Variants in EIF3H observed in about 807,000 individuals in gnomAD.
EIF3H encodes the protein eIF-3-gamma.
A neutral mutation model predicts 44.2 loss-of-function variants in EIF3H; 26 were observed. The ratio of observed to expected loss-of-function variants is 0.59; its 90% confidence interval spans 0.43 to 0.82. The LOEUF (loss-of-function observed/expected upper bound fraction) is 0.82. Among genes scored for constraint, EIF3H ranks in the 40% least tolerant of loss-of-function variants. The pLI, the probability that EIF3H is intolerant of heterozygous loss-of-function variation, is 0.00. For missense variants in EIF3H, 359 were observed against 432.8 expected (o/e 0.83, Z 1.51); for synonymous variants, 166 against 151.9 (o/e 1.09, Z -0.68).
chr8:116,722,061 G>A (rs976208316), intron 2 of EIF3H, among the ~76,000 whole-genome samples: 1 of 152,158 alleles, frequency 6.6e-6, no homozygotes. Context: ...ATATGGTTTG[G>A]CTGTGTTGCC....
chr8:116,647,891 T>G (rs919440381), intron 6 of EIF3H, among the ~76,000 whole-genome samples: 4 of 152,112 alleles, frequency 2.6e-5, no homozygotes, highest in Non-Finnish European at 5.9e-5. Context: ...CCCCTCAGTT[T>G]ATCAGACATT....
In EIF3H at chr8:116,698,723, ATC is replaced by A. The variant is rs1315409620; in HGVS notation, c.289+27291_289+27292del. ...ATTTCAAAACCTCTTGCCACTACCAATCTCTTTCTGCAACTTAATGTTGCCAA... is the reference window on the plus strand; with the variant it reads ...ATTTCAAAACCTCTTGCCACTACCAATCTTTCTGCAACTTAATGTTGCCAA... On this transcript the variant is annotated intron_variant, in intron 2 of 7. Transcript: ENST00000521861. Among the ~76,000 whole-genome samples the A allele has an allele frequency of 2.0e-5, 3 of 152,240 alleles. No individual in the cohort carries two copies. The East Asian group carries it at 5.8e-4, about 29-fold the overall frequency.
At chr8:116,754,122 T>C (rs372452959) in intron 1 of EIF3H, among the ~76,000 whole-genome samples, 129 of 148,648 alleles carry the variant, frequency 8.7e-4, no homozygotes, top group African/African-American at 2.9e-3. Context: ...TCCATTTTCT[T>C]TTTTTTTTTT....
intron 2 of EIF3H, among the ~76,000 whole-genome samples, chr8:116,674,124 A>G (rs1236732583): frequency 1.4e-5 from 2 of 147,688 alleles, no homozygotes; most frequent in Admixed American, 6.8e-5. Flanking sequence ...GAAATTTTAA[A>G]TTTATTATTT....
intron 2 of EIF3H, among the ~76,000 whole-genome samples, chr8:116,669,396 A>G (rs1168061107): frequency 1.3e-5 from 2 of 152,226 alleles, no homozygotes; most frequent in Non-Finnish European, 2.9e-5. Flanking sequence ...CCCTATCCCC[A>G]ACAGGTGACT....
chr8:116,656,523 T>C (rs1027513269), intron 4 of EIF3H, among the ~76,000 whole-genome samples: 35 of 152,170 alleles, frequency 2.3e-4, no homozygotes, highest in Non-Finnish European at 4.3e-4. Context: ...CATCCAGGAA[T>C]TGTTCATGAG....
chr8:116,732,175 C>G (rs892897947), intron 1 of EIF3H, among the ~76,000 whole-genome samples: 13 of 151,938 alleles, frequency 8.6e-5, no homozygotes, highest in African/African-American at 2.9e-4. Flanking sequence ...GCAGACTATA[C>G]GCCATCTCTA....
chr8:116,655,999 T>C lies in EIF3H; in HGVS notation c.564A>G (p.Lys188=), dbSNP rs753526576. 1.9e-6 allele frequency: 3 copies of C among 1,613,316 alleles called. No individual in the cohort carries two copies. The highest frequency in any genetic ancestry group is 1.7e-6 in the Non-Finnish European group (2 of 1,179,562). The change falls in exon 5 of 8, where the codon AAA becomes AAG. Residue 188 remains lysine (K), a synonymous_variant. Coordinates refer to ENST00000521861, the MANE Select transcript of EIF3H (RefSeq NM_003756.3). ...KEKDFSPEAL[K]KANITFEYMF... ...TGTACTCAAAGGTGATATTTGCTTT[T>C]TTCAATCTGTGAAGCATGTTAAAAA...
chr8:116,715,735 T>C (rs1291882643), intron 2 of EIF3H, among the ~76,000 whole-genome samples: 3 of 152,136 alleles, frequency 2.0e-5, no homozygotes, highest in Non-Finnish European at 2.9e-5. Context: ...ATTTAAGGAA[T>C]TCAGTTGTAT....
chr8:116,672,349 G>A (rs1380300965), intron 2 of EIF3H, among the ~76,000 whole-genome samples: 2 of 152,228 alleles, frequency 1.3e-5, no homozygotes, highest in Non-Finnish European at 2.9e-5. Flanking sequence ...AAACAGGCCA[G>A]GTACAGTGGC....
chr8:116,658,666 C>T, intron 3 of EIF3H, 147 bp downstream of exon 3: 1 of 693,472 alleles, frequency 1.4e-6, no homozygotes, highest in Non-Finnish European at 2.3e-6. Flanking sequence ...CCTGTCTAGA[C>T]TGAGCTGCTG....
chr8:116,725,197 C>T (rs13266454), intron 2 of EIF3H, among the ~76,000 whole-genome samples: 1 of 152,132 alleles, frequency 6.6e-6, no homozygotes, highest in Non-Finnish European at 1.5e-5. Context: ...TAATAAATGC[C>T]ACATGATTCC....
intron 2 of EIF3H, among the ~76,000 whole-genome samples, chr8:116,714,182 C>T (rs1814622016): frequency 6.6e-6 from 1 of 151,906 alleles, no homozygotes. Flanking sequence ...GGTGTGTGTG[C>T]CACTTATGAG....
At chr8:116,727,122 G>A (rs1814856487) in intron 1 of EIF3H, among the ~76,000 whole-genome samples, 4 of 152,188 alleles carry the variant, frequency 2.6e-5, no homozygotes, top group Non-Finnish European at 4.4e-5. Context: ...TAGAAACGAA[G>A]TAATGGGTGG....
At chr8:116,755,577 A>C (rs1209336753) in intron 1 of EIF3H, 89 bp downstream of exon 1, 1 of 1,568,750 alleles carries the variant, frequency 6.4e-7, no homozygotes, top group African/African-American at 1.4e-5. Flanking sequence ...ACCAAGCCCA[A>C]GGGGGAGAAT....
At chr8:116,673,064 G>A (rs1489163999) in intron 2 of EIF3H, among the ~76,000 whole-genome samples, 2 of 146,834 alleles carry the variant, frequency 1.4e-5, no homozygotes, top group Non-Finnish European at 1.5e-5. Context: ...CAGGGACAAA[G>A]ATGATTTGTA....
At chr8:116,755,603 T>A (rs1815427188) in intron 1 of EIF3H, 63 bp downstream of exon 1, 1 of 1,604,992 alleles carries the variant, frequency 6.2e-7, no homozygotes, top group Non-Finnish European at 8.5e-7. Context: ...AAAGTACGTC[T>A]GGTGGGACGG....
At chr8:116,705,933 A>G (rs2130889311) in intron 2 of EIF3H, among the ~76,000 whole-genome samples, 1 of 152,156 alleles carries the variant, frequency 6.6e-6, no homozygotes, top group South Asian at 2.1e-4. Context: ...GTAAAATCTA[A>G]AATTATTCCA....
chr8:116,684,865 A>G (rs2130850118), intron 2 of EIF3H, among the ~76,000 whole-genome samples: 1 of 152,352 alleles, frequency 6.6e-6, no homozygotes, highest in East Asian at 1.9e-4. Context: ...AAATTGTCAT[A>G]TTAACAAGAA....
Sources: gnomAD v4.1 joint callset for allele counts (sites outside exome capture counted in the v4.1 genomes callset) on GRCh38, gnomAD v4.1.1 for gene constraint, MANE v1.5 for transcripts, NCBI Gene and HGNC (gene_info 2026-07-23, HGNC 2026-07-21) for gene names.